PTPRK: variants seen among roughly 807,000 people sequenced by gnomAD.
The protein encoded by PTPRK is protein tyrosine phosphatase receptor type K, also known as receptor-type tyrosine-protein phosphatase kappa.
Under a neutral mutation model 178.0 loss-of-function variants are expected in PTPRK, and 75 were observed. The ratio of observed to expected loss-of-function variants is 0.42; its 90% CI spans 0.35 to 0.51. PTPRK has a LOEUF of 0.51. PTPRK is among the 20% of genes least tolerant of loss of function. The pLI is 0.02. For synonymous variants in PTPRK, 637 were observed against 620.6 expected (o/e 1.03, Z -0.39); for missense variants, 1,441 against 1,797.8 (o/e 0.80, Z 3.59).
intron 6 of PTPRK, among the ~76,000 whole-genome samples, chr6:128,199,107 C>G (rs75317020): frequency 6.6e-6 from 1 of 152,110 alleles, no homozygotes; most frequent in Admixed American, 6.6e-5. Context: ...CTAGCAATTC[C>G]GCTTTCAGGT....
rs1828808732 is a variant in PTPRK at position 128,321,666 on chromosome 6, T to A, written c.495+373A>T. 4.0e-5 allele frequency: 25 copies of A among 622,078 alleles called. No individual in the cohort carries two copies. In the South Asian group the frequency reaches 4.7e-4, roughly 12 times the overall value. 38.5% of individuals were successfully genotyped at this position (622,078 alleles called of 1,614,324 possible). A position where few individuals can be genotyped will look rare whatever the true frequency, so the allele number is the denominator to read the frequency against. On this transcript the variant is annotated intron_variant, in intron 3 of 29. Coordinates refer to ENST00000368226, the MANE Select transcript of PTPRK (RefSeq NM_002844.4). The stretch of plus-strand genomic sequence containing the variant: ...GTCCAGTCTGAAGATTACAATAAAC[T>A]CAAAAAGGCTATTTCTTCCTGAACA...
chr6:128,283,530 A>G (rs940581221), intron 3 of PTPRK, among the ~76,000 whole-genome samples: 1 of 152,210 alleles, frequency 6.6e-6, no homozygotes, highest in Non-Finnish European at 1.5e-5. Context: ...CATTAACACT[A>G]TAAATTCCTA....
At chr6:127,972,931 T>G in intron 29 of PTPRK, 91 bp downstream of exon 29, 2 of 1,292,464 alleles carry the variant, frequency 1.5e-6, no homozygotes, top group African/African-American at 2.9e-5. Flanking sequence ...CACATCTGAT[T>G]CCCTATGTGT....
chr6:128,267,902 A>T (rs1178223272), intron 3 of PTPRK, among the ~76,000 whole-genome samples: 1 of 152,106 alleles, frequency 6.6e-6, no homozygotes, highest in Non-Finnish European at 1.5e-5. Context: ...ACTTCAAGAT[A>T]TATCTCTTTT....
chr6:128,463,828 T>C (rs1357050260), intron 1 of PTPRK, among the ~76,000 whole-genome samples: 1 of 146,612 alleles, frequency 6.8e-6, no homozygotes, highest in Admixed American at 6.9e-5. Context: ...CTTGGCTCTC[T>C]GCAACGCCCG....
chr6:128,481,377 G>T (rs547128112), intron 1 of PTPRK, among the ~76,000 whole-genome samples: 1 of 152,084 alleles, frequency 6.6e-6, no homozygotes, highest in African/African-American at 2.4e-5. Context: ...CTGCATTTTA[G>T]TTGCTTTACA....
intron 3 of PTPRK, among the ~76,000 whole-genome samples, chr6:128,282,076 T>C (rs1247378820): frequency 6.6e-6 from 1 of 152,192 alleles, no homozygotes; most frequent in Non-Finnish European, 1.5e-5. Context: ...ATTTGTGTTT[T>C]TCCCCAGTGA....
At chr6:128,015,022 A>T (rs998962860) in intron 13 of PTPRK, among the ~76,000 whole-genome samples, 1 of 151,752 alleles carries the variant, frequency 6.6e-6, no homozygotes, top group African/African-American at 2.4e-5. Context: ...TGTGGAAAAT[A>T]GTGCAAAAGT....
chr6:128,293,682 C>G (rs1205962595), intron 3 of PTPRK, among the ~76,000 whole-genome samples: 1 of 152,030 alleles, frequency 6.6e-6, no homozygotes, highest in Non-Finnish European at 1.5e-5. Context: ...AAGCTCAGAC[C>G]TATTCCAAAC....
At chr6:128,338,671 C>CT (rs1831264511) in intron 2 of PTPRK, among the ~76,000 whole-genome samples, 1 of 8,066 alleles carries the variant, frequency 1.2e-4, no homozygotes, top group South Asian at 0.062. Context: ...TCTATGCTTC[C>CT]CCTCTGCAGA....
At chr6:128,515,112 G>A (rs1857772882) in intron 1 of PTPRK, among the ~76,000 whole-genome samples, 1 of 152,100 alleles carries the variant, frequency 6.6e-6, no homozygotes, top group African/African-American at 2.4e-5. Flanking sequence ...AGTTTTCCAA[G>A]GCATAGTTGT....
At chr6:128,023,835 C>CT (rs79086877) in intron 13 of PTPRK, among the ~76,000 whole-genome samples, 246 of 141,224 alleles carry the variant, frequency 1.7e-3, no homozygotes, top group East Asian at 3.1e-3. Flanking sequence ...TTCTTTCTTT[C>CT]TTTTTTTTTT....
chr6:128,063,895 T>G (rs372554567), intron 13 of PTPRK, among the ~76,000 whole-genome samples: 1 of 152,102 alleles, frequency 6.6e-6, no homozygotes. Flanking sequence ...AAACAGAATA[T>G]GGCCATTGAT....
chr6:128,260,368 T>C (rs1056308217), intron 3 of PTPRK, among the ~76,000 whole-genome samples: 21 of 152,082 alleles, frequency 1.4e-4, no homozygotes, highest in Non-Finnish European at 2.8e-4. Flanking sequence ...ACTGCAGTTG[T>C]TGAAGGAAAA....
intron 6 of PTPRK, among the ~76,000 whole-genome samples, chr6:128,189,882 A>G (rs1803460240): frequency 1.3e-5 from 2 of 152,190 alleles, no homozygotes; most frequent in African/African-American, 2.4e-5. Context: ...AAGAAGAAAG[A>G]CATCATTGGA....
In PTPRK at chr6:128,499,352, G is replaced by T. The variant is rs1235695580; in HGVS notation, c.100+20907C>A. 3.3e-5 allele frequency among the ~76,000 whole-genome samples: 5 copies of T among 152,328 alleles called. No homozygotes were observed. The East Asian group carries it at 9.6e-4, about 29-fold the overall frequency. ...CCAGTAGTCAATTAGTATTTGAAGG[G>T]CCAAAGGGCAAGGCATTACAATCAT... On this transcript the variant is annotated intron_variant, in intron 1 of 29. Transcript: ENST00000368226.
chr6:128,349,593 A>G (rs1832852147), intron 2 of PTPRK, among the ~76,000 whole-genome samples: 1 of 152,040 alleles, frequency 6.6e-6, no homozygotes, highest in African/African-American at 2.4e-5. Context: ...TCAGAAGCTG[A>G]TTCTGTTATA....
chr6:127,982,999 A>G lies in PTPRK; in HGVS notation c.3388-19T>C, dbSNP rs1775523020. The G allele has an allele frequency of 6.3e-7, 1 of 1,593,122 alleles. No individual in the cohort carries two copies. ...ACTGTTCCTACCAAAAGAATGAAAA[A>G]GAAAATTTTGTACTAGTTTTAGTAT... On this transcript the variant is annotated intron_variant, in intron 23 of 29. Coordinates refer to ENST00000368226, the MANE Select transcript of PTPRK (RefSeq NM_002844.4).
intron 7 of PTPRK, among the ~76,000 whole-genome samples, chr6:128,162,690 T>C (rs1463977012): frequency 6.6e-6 from 1 of 151,634 alleles, no homozygotes; most frequent in Non-Finnish European, 1.5e-5. Flanking sequence ...AATCGTAAAC[T>C]TTGAGTAGTA....
Sources: gnomAD v4.1 joint callset for allele counts (sites outside exome capture counted in the v4.1 genomes callset) on GRCh38, gnomAD v4.1.1 for gene constraint, MANE v1.5 for transcripts, NCBI Gene and HGNC (gene_info 2026-07-23, HGNC 2026-07-21) for gene names.